The following CHRM5 variants were observed in gnomAD, a reference collection of about 807,000 sequenced individuals.
CHRM5 encodes the protein muscarinic acetylcholine receptor M5.
Under a neutral mutation model 39.0 loss-of-function variants are expected in CHRM5, and 18 were observed. The ratio of observed to expected loss-of-function variants is 0.46; its 90% CI spans 0.32 to 0.68. The LOEUF (loss-of-function observed/expected upper bound fraction) is 0.68, where lower values mean the gene tolerates loss of function less well. Ranked by LOEUF, CHRM5 falls within the 30% of genes least tolerant of loss-of-function variation. The pLI is 0.04. For synonymous variants in CHRM5, 241 were observed against 246.3 expected, an observed-to-expected ratio of 0.98 and a Z score of 0.20; for missense variants, 515 against 651.1, an observed-to-expected ratio of 0.79 and a Z score of 2.28.
intron 1 of CHRM5, among the ~76,000 whole-genome samples, chr15:34,008,809 C>A (rs943137380): frequency 4.6e-5 from 7 of 152,046 alleles, no homozygotes; most frequent in Non-Finnish European, 8.8e-5. Flanking sequence ...TTTATACATC[C>A]AAGAAGCTCA....
intron 1 of CHRM5, chr15:34,038,773 C>T: frequency 8.5e-7 from 1 of 1,173,560 alleles, no homozygotes; most frequent in Non-Finnish European, 1.0e-6. Flanking sequence ...CAGCCGTCGC[C>T]TCTTACCGGC....
At chr15:34,057,496 C>A (rs1029936822) in intron 2 of CHRM5, among the ~76,000 whole-genome samples, 6 of 152,114 alleles carry the variant, frequency 3.9e-5, no homozygotes, top group Admixed American at 3.9e-4. Flanking sequence ...AGTGAACATT[C>A]CCTTGTGTCA....
Position 34,064,416 on chromosome 15 carries a change from C to T in CHRM5, c.*100C>T. 2 of 1,379,348 alleles carry T rather than the reference C, an allele frequency of 1.4e-6. No individual in the cohort carries two copies. Among genetic ancestry groups the T allele is most frequent in the African/African-American group, 1.5e-5 (1 of 68,482 alleles). The allele number at this position is 1,379,348 out of a possible 1,614,324, so 85.4% of individuals were successfully genotyped here. ...TTGTATATTTTCAAAAAGAAGACAT[C>T]TCATTTTGAGTCCTTGAAGATTTTT... On this transcript the variant is annotated 3_prime_UTR_variant, in exon 3 of 3. Coordinates refer to ENST00000383263, the MANE Select transcript of CHRM5 (RefSeq NM_012125.4).
intron 1 of CHRM5, chr15:34,038,852 G>T: frequency 8.6e-7 from 1 of 1,162,500 alleles, no homozygotes; most frequent in Non-Finnish European, 1.1e-6. Context: ...CTCCTCCTCG[G>T]CCTCCGCGAG....
chr15:34,021,977 T>C (rs535994581), intron 1 of CHRM5, among the ~76,000 whole-genome samples: 10 of 152,200 alleles, frequency 6.6e-5, no homozygotes, highest in Non-Finnish European at 1.3e-4. Context: ...AGAAAGCAAA[T>C]GACAACTACT....
At chr15:34,008,856 T>C (rs547764697) in intron 1 of CHRM5, among the ~76,000 whole-genome samples, 2 of 151,908 alleles carry the variant, frequency 1.3e-5, no homozygotes, top group South Asian at 2.1e-4. Context: ...GATTCATAGA[T>C]ACATAATAAA....
chr15:34,022,174 T>C (rs1040593035), intron 1 of CHRM5, among the ~76,000 whole-genome samples: 2 of 152,232 alleles, frequency 1.3e-5, no homozygotes, highest in African/African-American at 4.8e-5. Flanking sequence ...CTATTGCTCC[T>C]CAGACATCAA....
intron 2 of CHRM5, among the ~76,000 whole-genome samples, chr15:34,060,367 T>C (rs1177905534): frequency 6.6e-6 from 1 of 152,068 alleles, no homozygotes; most frequent in Non-Finnish European, 1.5e-5. Flanking sequence ...CAAGACAATA[T>C]CATCAACTCG....
chr15:34,063,449 A>G lies in CHRM5; in HGVS notation c.732A>G (p.Pro244=), dbSNP rs201633790. ...TGACCAAAGCTGAGAAGAGAAAGCC[A>G]GCTCATAGGGCTCTGTTCAGATCCT... The part of the protein sequence containing the change: ...DSVTKAEKRK[P]AHRALFRSCL... Residue 244 remains proline (P), a synonymous_variant, in exon 3 of 3, where the codon CCA becomes CCG. Coordinates refer to ENST00000383263, the MANE Select transcript of CHRM5 (RefSeq NM_012125.4). This position sits in a 1 kb window ranked among gnomAD's most constrained non-coding sequence, Gnocchi z 4.1. 1 of 1,613,896 alleles carries G rather than the reference A, an allele frequency of 6.2e-7. No individual in the cohort carries two copies. Among genetic ancestry groups the G allele is most frequent in the East Asian group, 2.2e-5 (1 of 44,886 alleles).
chr15:34,025,504 A>G (rs935869728), intron 1 of CHRM5, among the ~76,000 whole-genome samples: 3 of 152,130 alleles, frequency 2.0e-5, no homozygotes, highest in Admixed American at 1.3e-4. Context: ...TCATCCATAC[A>G]TCATTGCTCA....
chr15:34,012,734 G>A (rs967010186), intron 1 of CHRM5, among the ~76,000 whole-genome samples: 1 of 152,074 alleles, frequency 6.6e-6, no homozygotes. Context: ...CTCTCAAGTC[G>A]CCAGAGGAAG....
chr15:34,026,450 T>C (rs138137118), intron 1 of CHRM5, among the ~76,000 whole-genome samples: 2,336 of 152,218 alleles, frequency 0.015, 29 homozygotes, highest in Non-Finnish European at 0.022. Flanking sequence ...CAAGGGGAGA[T>C]ATGTTGAGAA....
At position 34,003,123 on chromosome 15, in the gene CHRM5, C is replaced by A. The variant is rs140643322; in HGVS notation, c.-408+33973C>A. 9.1e-5 allele frequency: 147 copies of A among 1,613,768 alleles called. No individual in the cohort carries two copies. Among genetic ancestry groups the A allele is most frequent in the Admixed American group, 1.3e-4 (8 of 59,998 alleles). On this transcript the variant is annotated intron_variant, in intron 1 of 2. Transcript: ENST00000383263. ...CTTTTTCAATATCTTGATATCGATC[C>A]CAGTTAGAGACAATCTTTCTTTTAG...
At chr15:34,003,278 A>C (rs1897211073) in intron 1 of CHRM5, 1 of 1,388,812 alleles carries the variant, frequency 7.2e-7, no homozygotes. Context: ...TTCCCAGTAA[A>C]ACAAAAAAGT....
chr15:34,033,270 C>T (rs764409269), intron 1 of CHRM5, among the ~76,000 whole-genome samples: 2 of 152,142 alleles, frequency 1.3e-5, no homozygotes, highest in Non-Finnish European at 2.9e-5. Flanking sequence ...CGTCAGGAGG[C>T]AGAAGCGGGC....
At position 34,064,414 on chromosome 15, in the gene CHRM5, A is replaced by T. The variant is rs1567495295; in HGVS notation, c.*98A>T. The stretch of plus-strand genomic sequence containing the variant: ...GTTTGTATATTTTCAAAAAGAAGAC[A>T]TCTCATTTTGAGTCCTTGAAGATTT... On this transcript the variant is annotated 3_prime_UTR_variant, in exon 3 of 3. Coordinates refer to ENST00000383263, the MANE Select transcript of CHRM5 (RefSeq NM_012125.4). 1.4e-6 allele frequency: 2 copies of T among 1,389,146 alleles called. No homozygotes were observed. Among genetic ancestry groups the T allele is most frequent in the Non-Finnish European group, 1.9e-6 (2 of 1,043,420 alleles). The allele number at this position is 1,389,146 out of a possible 1,614,324, so 86.1% of individuals were successfully genotyped here.
At chr15:34,007,376 C>T (rs765689186) in intron 1 of CHRM5, among the ~76,000 whole-genome samples, 1 of 152,156 alleles carries the variant, frequency 6.6e-6, no homozygotes, top group Non-Finnish European at 1.5e-5. Flanking sequence ...GAAGAGCCGA[C>T]GGCCCCTTAC....
At chr15:34,019,710 C>T (rs769502995) in intron 1 of CHRM5, among the ~76,000 whole-genome samples, 9 of 152,148 alleles carry the variant, frequency 5.9e-5, no homozygotes, top group Admixed American at 1.3e-4. Flanking sequence ...TATCCAGTAC[C>T]GTAACATGCT....
At chr15:33,980,884 T>A (rs912220469) in intron 1 of CHRM5, among the ~76,000 whole-genome samples, 1 of 152,132 alleles carries the variant, frequency 6.6e-6, no homozygotes, top group Admixed American at 6.5e-5. Flanking sequence ...AAAATACAGC[T>A]AAATGTAGCC....
Sources: allele counts gnomAD v4.1 joint callset (sites outside exome capture counted in the v4.1 genomes callset), GRCh38; gene constraint gnomAD v4.1.1; non-coding constraint Gnocchi (gnomAD v3.1); transcripts MANE v1.5; gene names NCBI Gene and HGNC (gene_info 2026-07-23, HGNC 2026-07-21).